Variants in ABLIM2 observed in about 807,000 individuals in gnomAD.
The protein encoded by ABLIM2 is actin binding LIM protein family member 2, also known as actin-binding LIM protein 2.
ABLIM2 carries 53 observed loss-of-function variants against 97.7 expected under a neutral mutation model. The ratio of observed to expected loss-of-function variants is 0.54; its 90% CI spans 0.44 to 0.68. The LOEUF (loss-of-function observed/expected upper bound fraction) is 0.68. Ranked by LOEUF, ABLIM2 falls within the 30% of genes least tolerant of loss-of-function variation. The pLI is 0.00. For missense variants in ABLIM2, 835 were observed against 867.2 expected, an observed-to-expected ratio of 0.96 and a Z score of 0.47; for synonymous variants, 361 against 345.8, an observed-to-expected ratio of 1.04 and a Z score of -0.49.
In ABLIM2 at chr4:8,019,709, G is replaced by C. The variant is rs1184580853; in HGVS notation, c.1370-38C>G. 6.4e-7 allele frequency: 1 copy of C among 1,574,034 alleles called. No homozygotes were observed. Among genetic ancestry groups the C allele is most frequent in the East Asian group, 2.2e-5 (1 of 44,600 alleles). Reference sequence around the variant, plus strand: ...AAAGAAAAAAAAGGAGAGAACAGGAGGGTAAGCAGCAAGTTGTGATGGTTT... The same window carrying C: ...AAAGAAAAAAAAGGAGAGAACAGGACGGTAAGCAGCAAGTTGTGATGGTTT... On this transcript the variant is annotated intron_variant, in intron 13 of 20. Transcript: ENST00000447017. The surrounding 1 kb of genome is among the most constrained non-coding windows in gnomAD (Gnocchi z 4.3).
intron 4 of ABLIM2, among the ~76,000 whole-genome samples, chr4:8,086,340 C>A (rs1428647881): frequency 1.5e-4 from 22 of 148,808 alleles, no homozygotes; most frequent in Admixed American, 1.3e-3. Flanking sequence ...ATATTTCCAT[C>A]CCCTCCCACT....
chr4:8,017,765 G>A (rs537909214), intron 14 of ABLIM2, among the ~76,000 whole-genome samples: 7 of 152,284 alleles, frequency 4.6e-5, no homozygotes, highest in East Asian at 1.9e-4. Context: ...AGGCTGAAGC[G>A]GGTGGATCAC....
At chr4:8,077,553 A>G (rs1383336580) in intron 6 of ABLIM2, 75 bp downstream of exon 6, 25 of 1,362,360 alleles carry the variant, frequency 1.8e-5, no homozygotes, top group Admixed American at 4.1e-5. Flanking sequence ...ACACACACAA[A>G]TCTCCCAGTC....
Position 8,120,901 on chromosome 4 carries a change from C to T in ABLIM2, c.11-14264G>A, listed in dbSNP as rs10001300. On this transcript the variant is annotated intron_variant, in intron 1 of 20. Coordinates refer to ENST00000447017, the MANE Select transcript of ABLIM2 (RefSeq NM_001130083.2). This position sits in a 1 kb window ranked among gnomAD's most constrained non-coding sequence, Gnocchi z 5.6. ...TTATAATACAATGTTGACCGTCTCA[C>T]GTAAGAGTACTGTACCGCAGATTGC... Among the ~76,000 whole-genome samples the T allele has an allele frequency of 0.07, 10,648 of 152,280 alleles. 582 individuals carry two copies. The highest frequency in any genetic ancestry group is 0.13 in the East Asian group (683 of 5,180).
rs1252132659 is a variant in ABLIM2, at chr4:8,001,885, C to T, written c.1618+6174G>A. 6.6e-6 allele frequency among the ~76,000 whole-genome samples: 1 copy of T among 152,226 alleles called. No homozygotes were observed. The highest frequency in any genetic ancestry group is 1.5e-5 in the Non-Finnish European group (1 of 68,044). ...TGTGGAATCTCCTGCCCCCCGATGG[C>T]ACCTTCCCACCTGCCCGCTTGTCAG... On this transcript the variant is annotated intron_variant, in intron 16 of 20. Transcript: ENST00000447017. This position sits in a 1 kb window ranked among gnomAD's most constrained non-coding sequence, Gnocchi z 4.2.
chr4:8,071,950 C>T lies in ABLIM2; in HGVS notation c.675+5678G>A, dbSNP rs1290813264. 1 of 985,514 alleles carries T rather than the reference C, an allele frequency of 1.0e-6. No homozygotes were observed. The highest frequency in any genetic ancestry group is 1.1e-4 in the East Asian group (1 of 8,792). The allele number at this position is 985,514 out of a possible 1,614,324, so 61.0% of individuals were successfully genotyped here. A position where few individuals can be genotyped will look rare whatever the true frequency, so the allele number is the denominator to read the frequency against. ...GGCACCGGCACACTGGGCCGAGCAT[C>T]AGGCAGTGCCACCGCGGCGGCGGCA... On this transcript the variant is annotated intron_variant, in intron 6 of 20. Transcript: ENST00000447017. This position sits in a 1 kb window ranked among gnomAD's most constrained non-coding sequence, Gnocchi z 6.2.
At position 7,965,678 on chromosome 4, in the gene ABLIM2, C is replaced by T. The variant is rs956319148; in HGVS notation, c.*1312G>A. ...ATCCTGTGACGGCCGGTGCTGCACCCTAACACACACCTAATGACAGACACC... is the reference window on the plus strand; with the variant it reads ...ATCCTGTGACGGCCGGTGCTGCACCTTAACACACACCTAATGACAGACACC... On this transcript the variant is annotated 3_prime_UTR_variant, in exon 21 of 21. Transcript: ENST00000447017. The T allele has an allele frequency of 1.3e-5, 2 of 152,212 alleles. No individual in the cohort carries two copies. The highest frequency in any genetic ancestry group is 1.3e-4 in the Admixed American group (2 of 15,278). 9.4% of individuals were successfully genotyped at this position (152,212 alleles called of 1,614,324 possible). A position where few individuals can be genotyped will look rare whatever the true frequency, so the allele number is the denominator to read the frequency against.
At chr4:7,988,188 A>G (rs141044030) in intron 17 of ABLIM2, among the ~76,000 whole-genome samples, 6,205 of 152,018 alleles carry the variant, frequency 0.041, 237 homozygotes, top group African/African-American at 0.1. Flanking sequence ...ATGCCTGGCT[A>G]ATTTTTGTAA....
Position 8,045,221 on chromosome 4 carries a change from C to T in ABLIM2, c.843G>A (p.Glu281=), listed in dbSNP as rs1255513302. The T allele has an allele frequency of 3.1e-6, 5 of 1,613,856 alleles. No individual in the cohort carries two copies. The highest frequency in any genetic ancestry group is 1.1e-5 in the South Asian group (1 of 91,086). ...DRNKETRTSS[E]SIISVPASST... is the part of the protein sequence containing the mutation. ...TGGAAGCAGGGACAGAAATGATGCT[C>T]TCTGAGGAAGTTCTGGTTTCCTGAG... Residue 281 remains glutamate, a synonymous_variant, in exon 9 of 21, where the codon GAG becomes GAA. Transcript: ENST00000447017.
rs1726608328 is a variant in ABLIM2, at chr4:7,970,163, C to G, written c.1825-3060G>C. 6.6e-6 allele frequency among the ~76,000 whole-genome samples: 1 copy of G among 152,184 alleles called. No individual in the cohort carries two copies. The highest frequency in any genetic ancestry group is 1.5e-5 in the Non-Finnish European group (1 of 68,038). On this transcript the variant is annotated intron_variant, in intron 20 of 20. Transcript: ENST00000447017. This position sits in a 1 kb window ranked among gnomAD's most constrained non-coding sequence, Gnocchi z 5.3. ...GACATGGAAAGTCAGAGACACAAGG[C>G]CCCTGGCAGGGGTAGGCTGGGGTGG...
chr4:8,114,392 C>T (rs939992136), intron 1 of ABLIM2, among the ~76,000 whole-genome samples: 6 of 152,210 alleles, frequency 3.9e-5, no homozygotes, highest in African/African-American at 1.4e-4. Flanking sequence ...ATGGATCCTG[C>T]CACACTGTCT....
At chr4:8,081,364 G>A (rs1227220285) in intron 4 of ABLIM2, among the ~76,000 whole-genome samples, 1 of 152,150 alleles carries the variant, frequency 6.6e-6, no homozygotes, top group South Asian at 2.1e-4. Context: ...GTCCTTCCCA[G>A]CCGTGCCTGC....
chr4:8,040,301 C>G (rs1179238306), intron 9 of ABLIM2, among the ~76,000 whole-genome samples: 1 of 152,082 alleles, frequency 6.6e-6, no homozygotes, highest in East Asian at 1.9e-4. Flanking sequence ...ATGACAGACA[C>G]CAGCAGAGGT....
chr4:8,091,566 ATATATAATTT>A (rs1828202393), intron 3 of ABLIM2, among the ~76,000 whole-genome samples: 1 of 49,192 alleles, frequency 2.0e-5, no homozygotes, highest in Non-Finnish European at 3.2e-5. Context: ...TATATATATT[ATATATAATTT>A]TATATAAAAT....
Position 7,992,821 on chromosome 4 carries a change from C to A in ABLIM2, c.1680+45G>T, listed in dbSNP as rs182893687. On this transcript the variant is annotated intron_variant, in intron 17 of 20. Coordinates refer to ENST00000447017, the MANE Select transcript of ABLIM2 (RefSeq NM_001130083.2). The surrounding 1 kb of genome is among the most constrained non-coding windows in gnomAD (Gnocchi z 5.7). ...GCTGTGGGAAACGTGCTCAGCCTCA[C>A]AGCAATCGTTAGTACCCTGTGGCCA... 6.3e-7 allele frequency: 1 copy of A among 1,594,160 alleles called. No homozygotes were observed.
At chr4:7,990,800 G>C (rs1452539079) in intron 17 of ABLIM2, among the ~76,000 whole-genome samples, 1 of 152,148 alleles carries the variant, frequency 6.6e-6, no homozygotes, top group Non-Finnish European at 1.5e-5. Context: ...TCAAGTATCT[G>C]GCCTTCTCAC....
chr4:8,141,822 G>A (rs1247558559), intron 1 of ABLIM2, among the ~76,000 whole-genome samples: 2 of 152,184 alleles, frequency 1.3e-5, no homozygotes, highest in African/African-American at 2.4e-5. Flanking sequence ...CTGTATCTAG[G>A]GTCCCATCTT....
chr4:8,048,946 C>A (rs1477010351), intron 8 of ABLIM2, among the ~76,000 whole-genome samples: 1 of 152,166 alleles, frequency 6.6e-6, no homozygotes, highest in African/African-American at 2.4e-5. Context: ...CCCCTTCTCA[C>A]CCCAAGGTCC....
At chr4:8,038,282 A>G (rs1442772197) in intron 9 of ABLIM2, among the ~76,000 whole-genome samples, 4 of 152,194 alleles carry the variant, frequency 2.6e-5, no homozygotes, top group Non-Finnish European at 4.4e-5. Flanking sequence ...AGGGCAGCAC[A>G]TGACCCTGGC....
Sources: allele counts gnomAD v4.1 joint callset (sites outside exome capture counted in the v4.1 genomes callset), GRCh38; gene constraint gnomAD v4.1.1; non-coding constraint Gnocchi (gnomAD v3.1); transcripts MANE v1.5; gene names NCBI Gene and HGNC (gene_info 2026-07-23, HGNC 2026-07-21).